PTPRM: variants seen among roughly 807,000 people sequenced by gnomAD.
PTPRM encodes the protein protein tyrosine phosphatase receptor type M, also known as receptor-type tyrosine-protein phosphatase mu.
In PTPRM, 47 loss-of-function variants were observed where a neutral mutation model predicts 186.7. The observed-to-expected ratio is 0.25, with a 90% CI of 0.20 to 0.32. The LOEUF (loss-of-function observed/expected upper bound fraction) is 0.32. Among genes scored for constraint, PTPRM ranks in the 10% least tolerant of loss-of-function variants. PTPRM has a pLI of 1.00. For missense variants in PTPRM, 1,494 were observed against 1,865.0 expected (o/e 0.80, Z 3.66); for synonymous variants, 668 against 674.9 (o/e 0.99, Z 0.16).
chr18:7,783,633 G>A (rs527318179), intron 2 of PTPRM, among the ~76,000 whole-genome samples: 18 of 152,062 alleles, frequency 1.2e-4, no homozygotes, highest in South Asian at 4.2e-4. Context: ...GTGCAGTGGC[G>A]TGATCATAGC....
At position 7,976,627 on chromosome 18, in the gene PTPRM, C is replaced by G. The variant is rs577030857; in HGVS notation, c.1132+21213C>G. On this transcript the variant is annotated intron_variant, in intron 7 of 32. Coordinates refer to ENST00000580170, the MANE Select transcript of PTPRM (RefSeq NM_001105244.2). Reference sequence around the variant, plus strand: ...AGTTTTATTTATGAAAAAAAAAGAGCCTCACCCTTGAGTCTAGGGATGGAA... The same window carrying G: ...AGTTTTATTTATGAAAAAAAAAGAGGCTCACCCTTGAGTCTAGGGATGGAA... Among the ~76,000 whole-genome samples, 34 of 152,192 alleles carry G rather than the reference C, an allele frequency of 2.2e-4. No homozygotes were observed. The East Asian group carries it at 6.4e-3, about 29-fold the overall frequency.
intron 1 of PTPRM, among the ~76,000 whole-genome samples, chr18:7,654,149 C>A (rs1431310863): frequency 6.6e-6 from 1 of 151,922 alleles, no homozygotes; most frequent in Non-Finnish European, 1.5e-5. Context: ...TGTCTTTTGC[C>A]CACTTTTTAA....
At chr18:7,594,379 CTGAGG>C (rs200468318) in intron 1 of PTPRM, among the ~76,000 whole-genome samples, 2,007 of 151,978 alleles carry the variant, frequency 0.013, 44 homozygotes, top group African/African-American at 0.046. Flanking sequence ...ACTGGGGAGG[CTGAGG>C]TGGGAGAATC....
In PTPRM at chr18:7,888,310, G is replaced by A. The variant is rs1374663394; in HGVS notation, c.401G>A (p.Gly134Glu). 1.9e-6 allele frequency: 3 copies of A among 1,614,188 alleles called. No homozygotes were observed. In the South Asian group the frequency reaches 3.3e-5, roughly 18 times the overall value. Reference sequence around the variant, plus strand: ...GGGAATCCTATCTGGAATATATCTGGAGACCCAACACGTACATGGAACAGG... The same window carrying A: ...GGGAATCCTATCTGGAATATATCTGAAGACCCAACACGTACATGGAACAGG... The part of the protein sequence containing the change: ...PLGNPIWNIS[G>E]DPTRTWNRAE... The change falls in exon 3 of 33, where the codon GGA (glycine) becomes GAA (glutamate). Residue 134 changes from glycine to glutamate, a missense_variant. This residue lies in a region of PTPRM where 296 missense variants were observed against 345.5 expected (regional missense o/e 0.86). Transcript: ENST00000580170.
intron 19 of PTPRM, among the ~76,000 whole-genome samples, chr18:8,289,492 A>G (rs2095003057): frequency 7.1e-6 from 1 of 140,694 alleles, no homozygotes; most frequent in Non-Finnish European, 1.5e-5. Context: ...ATATATACAT[A>G]TATGTATATA....
At chr18:7,688,298 T>C (rs1043157371) in intron 1 of PTPRM, among the ~76,000 whole-genome samples, 2 of 152,138 alleles carry the variant, frequency 1.3e-5, no homozygotes, top group African/African-American at 4.8e-5. Context: ...GCACACCCTC[T>C]CCTGATAGTG....
intron 19 of PTPRM, among the ~76,000 whole-genome samples, 167 bp from the exon 20 acceptor site, chr18:8,296,201 A>G (rs1473755366): frequency 2.0e-5 from 3 of 152,346 alleles, no homozygotes; most frequent in South Asian, 2.1e-4. Context: ...AAAAAGCTAA[A>G]TGAAATATTT....
intron 7 of PTPRM, among the ~76,000 whole-genome samples, chr18:7,985,455 A>C (rs923637007): frequency 7.1e-6 from 1 of 141,196 alleles, no homozygotes. Flanking sequence ...ATATATACAT[A>C]TACTGGTAGA....
intron 20 of PTPRM, among the ~76,000 whole-genome samples, chr18:8,306,051 C>A (rs2095218354): frequency 6.6e-6 from 1 of 152,078 alleles, no homozygotes; most frequent in Non-Finnish European, 1.5e-5. Context: ...GCGCGCATCA[C>A]CACACCTGGC....
At chr18:7,920,069 C>G (rs577887957) in intron 4 of PTPRM, among the ~76,000 whole-genome samples, 1 of 152,006 alleles carries the variant, frequency 6.6e-6, no homozygotes, top group East Asian at 1.9e-4. Flanking sequence ...TTTGTCTTAC[C>G]TATGTGAGTG....
rs1322642055 is a variant in PTPRM, at chr18:7,809,215, G to C, written c.196+34944G>C. ...GTTTTCCAGGATGCCGGTAGGAGGC[G>C]GCAGGCAAGAGAGTGAAGCTCTCTC... On this transcript the variant is annotated intron_variant, in intron 2 of 32. Transcript: ENST00000580170. Among the ~76,000 whole-genome samples the C allele has an allele frequency of 2.6e-5, 4 of 152,058 alleles. No individual in the cohort carries two copies. In the South Asian group the frequency reaches 8.3e-4, roughly 32 times the overall value.
At chr18:8,335,078 A>G (rs1318528456) in intron 22 of PTPRM, among the ~76,000 whole-genome samples, 1 of 152,104 alleles carries the variant, frequency 6.6e-6, no homozygotes, top group Non-Finnish European at 1.5e-5. Flanking sequence ...TTCCTTAGTC[A>G]TGTTTTTTAG....
rs79701650 is a variant in PTPRM, at chr18:8,166,901, T to C, written c.2300+23122T>C. ...GAAATAAAATAGACCTAGGCAAAGA[T>C]AGACACAAGATCTACCTGTTGAGCT... On this transcript the variant is annotated intron_variant, in intron 14 of 32. Coordinates refer to ENST00000580170, the MANE Select transcript of PTPRM (RefSeq NM_001105244.2). 9.4e-3 allele frequency among the ~76,000 whole-genome samples: 1,426 copies of C among 152,240 alleles called. 24 individuals carry two copies. Among genetic ancestry groups the C allele is most frequent in the African/African-American group, 0.033 (1,374 of 41,536 alleles).
chr18:8,087,528 G>A (rs992537692), intron 10 of PTPRM, among the ~76,000 whole-genome samples: 1 of 152,028 alleles, frequency 6.6e-6, no homozygotes, highest in Non-Finnish European at 1.5e-5. Context: ...TGAAAATCAA[G>A]CAACCTGACA....
At chr18:8,401,497 CAGA>C (rs776867869) in intron 32 of PTPRM, among the ~76,000 whole-genome samples, 13 of 152,206 alleles carry the variant, frequency 8.5e-5, no homozygotes, top group Non-Finnish European at 1.9e-4. Context: ...GGGCATCACT[CAGA>C]AGAATTTTTC....
In PTPRM at chr18:8,126,011, A is replaced by G. The variant is rs1196448698; in HGVS notation, c.2167+11184A>G. Reference sequence around the variant, plus strand: ...TATATATATATATATATATATATATATATATATATATATATATTTTAAATC... The same window carrying G: ...TATATATATATATATATATATATATGTATATATATATATATATTTTAAATC... On this transcript the variant is annotated intron_variant, in intron 13 of 32. Transcript: ENST00000580170. Among the ~76,000 whole-genome samples, 27 of 32,368 alleles carry G rather than the reference A, an allele frequency of 8.3e-4. 1 individual carries two copies. The highest frequency in any genetic ancestry group is 3.1e-3 in the African/African-American group (26 of 8,452). The allele number at this position is 32,368 out of a possible 152,430, so 21.2% of individuals were successfully genotyped here. A position where few individuals can be genotyped will look rare whatever the true frequency, so the allele number is the denominator to read the frequency against.
chr18:7,798,037 CT>C (rs1473351438), intron 2 of PTPRM, among the ~76,000 whole-genome samples: 3 of 152,150 alleles, frequency 2.0e-5, no homozygotes, highest in Non-Finnish European at 4.4e-5. Context: ...TTAATTAGGT[CT>C]TGTGGTCTGC....
At chr18:7,794,898 G>A (rs1339936365) in intron 2 of PTPRM, among the ~76,000 whole-genome samples, 1 of 152,168 alleles carries the variant, frequency 6.6e-6, no homozygotes, top group Non-Finnish European at 1.5e-5. Context: ...AATCAGGTAT[G>A]GAGTGGTAGT....
intron 1 of PTPRM, among the ~76,000 whole-genome samples, chr18:7,728,482 G>A (rs763991965): frequency 3.3e-5 from 5 of 152,246 alleles, no homozygotes; most frequent in Non-Finnish European, 7.3e-5. Flanking sequence ...AATTCCTGAT[G>A]GCTCCGCCCA....
Sources: gnomAD v4.1 joint callset for allele counts (sites outside exome capture counted in the v4.1 genomes callset) on GRCh38, gnomAD v4.1.1 for gene constraint, gnomAD v4.1.1 regional missense constraint, MANE v1.5 for transcripts, NCBI Gene and HGNC (gene_info 2026-07-23, HGNC 2026-07-21) for gene names.